Variants in UNC80 observed in about 807,000 individuals in gnomAD.
UNC80 encodes unc-80 subunit of NALCN channel complex, also known as protein unc-80 homolog.
Under a neutral mutation model 384.6 loss-of-function variants are expected in UNC80, and 164 were observed. The observed-to-expected ratio is 0.43, with a 90% CI of 0.38 to 0.49. The LOEUF is 0.49. Among genes scored for constraint, UNC80 ranks in the 20% least tolerant of loss-of-function variants. UNC80 has a pLI of 0.00. For synonymous variants in UNC80, 1,486 were observed against 1,527.8 expected, an observed-to-expected ratio of 0.97 and a Z score of 0.64; for missense variants, 3,330 against 4,143.0, an observed-to-expected ratio of 0.80 and a Z score of 5.39.
intron 31 of UNC80, among the ~76,000 whole-genome samples, chr2:209,915,220 T>C (rs1377555345): frequency 1.3e-5 from 2 of 151,792 alleles, no homozygotes; most frequent in Non-Finnish European, 1.5e-5. Flanking sequence ...CTGGCTAACA[T>C]GGTGAAACCC....
chr2:209,878,136 C>T (rs1270311544), intron 24 of UNC80, 47 bp downstream of exon 24: 2 of 1,472,824 alleles, frequency 1.4e-6, no homozygotes, highest in Non-Finnish European at 1.8e-6. Flanking sequence ...GTAAGAACCT[C>T]TGCTTTAGGA....
intron 56 of UNC80, among the ~76,000 whole-genome samples, chr2:209,974,849 G>A (rs2092970631): frequency 3.3e-5 from 5 of 152,240 alleles, no homozygotes; most frequent in Admixed American, 3.3e-4. Context: ...ATGGCAGAAA[G>A]CCAAAGTCAG....
rs2076607238 is a variant in UNC80, at chr2:209,772,127, C to A, written c.55C>A (p.Pro19Thr). 1 of 1,548,838 alleles carries A rather than the reference C, an allele frequency of 6.5e-7. No individual in the cohort carries two copies. The highest frequency in any genetic ancestry group is 8.7e-7 in the Non-Finnish European group (1 of 1,146,166). ...GGAGCAGGACGGCGGCCGCGGCATCCCCCTGCCCATCCAGACCTTCCTGTG... is the reference window on the plus strand; with the variant it reads ...GGAGCAGGACGGCGGCCGCGGCATCACCCTGCCCATCCAGACCTTCCTGTG... ...GQEQDGGRGI[P>T]LPIQTFLWRQ... The change falls in exon 1 of 65, where the codon CCC becomes ACC. Residue 19 changes from proline (P) to threonine (T), a missense_variant. By Grantham distance (38) the Pro-to-Thr change is conservative (BLOSUM62 -1). Transcript: ENST00000673920.
chr2:209,959,412 C>A, intron 50 of UNC80, 77 bp from the exon 51 acceptor site: 1 of 1,356,416 alleles, frequency 7.4e-7, no homozygotes, highest in Non-Finnish European at 1.0e-6. Flanking sequence ...TATTTTTCTT[C>A]AGTGTGATAC....
chr2:209,875,899 G>A (rs530735256), intron 23 of UNC80, among the ~76,000 whole-genome samples: 4 of 152,112 alleles, frequency 2.6e-5, no homozygotes, highest in East Asian at 1.9e-4. Context: ...GGCTTTTGGG[G>A]TACAAGCAGT....
chr2:209,787,533 G>A (rs1039499885), intron 5 of UNC80, among the ~76,000 whole-genome samples: 2 of 152,086 alleles, frequency 1.3e-5, no homozygotes, highest in African/African-American at 2.4e-5. Flanking sequence ...CCACATAACA[G>A]CATTTTGGTC....
Position 209,976,997 on chromosome 2 carries a change from C to T in UNC80, c.8857C>T (p.Arg2953Cys), listed in dbSNP as rs1282271120. The change falls in exon 58 of 65, where the codon CGC becomes TGC. Residue 2953 changes from arginine (R) to cysteine (C), a missense_variant. Around this residue, in one of 8 missense-constraint regions of UNC80, gnomAD observed 216 missense variants for 245.3 expected, o/e 0.88. Transcript: ENST00000673920. This position sits in a 1 kb window ranked among gnomAD's most constrained non-coding sequence, Gnocchi z 4.3. ...CCAGCTGGAGCGGCGCTTCATACCA[C>T]GCCCTTTGTGTAAGAGCTCGCTCAT... ...ADQLERRFIP[R>C]PLCKSSLIAE... 2.6e-6 allele frequency: 4 copies of T among 1,539,516 alleles called. No individual in the cohort carries two copies. Among genetic ancestry groups the T allele is most frequent in the Admixed American group, 2.0e-5 (1 of 50,874 alleles).
chr2:209,918,311 AAAG>A (rs2089728699), intron 32 of UNC80, among the ~76,000 whole-genome samples: 2 of 152,314 alleles, frequency 1.3e-5, no homozygotes, highest in African/African-American at 4.8e-5. Flanking sequence ...CATTTGATTG[AAAG>A]CCTTTAATGA....
chr2:209,841,723 A>G (rs991159295), intron 20 of UNC80, among the ~76,000 whole-genome samples: 10 of 152,220 alleles, frequency 6.6e-5, no homozygotes, highest in African/African-American at 1.9e-4. Flanking sequence ...GCAAGACTAT[A>G]GCATATTTAG....
intron 29 of UNC80, among the ~76,000 whole-genome samples, chr2:209,907,559 A>G (rs11694132): frequency 0.09 from 13,726 of 152,176 alleles, 809 homozygotes; most frequent in South Asian, 0.26. Flanking sequence ...AGATTTGCCA[A>G]CCAGCGAGAA....
chr2:209,902,223 A>G (rs1200268674), intron 28 of UNC80, among the ~76,000 whole-genome samples: 4 of 152,202 alleles, frequency 2.6e-5, no homozygotes, highest in African/African-American at 9.7e-5. Flanking sequence ...TTAGAAGTGG[A>G]GCCTGAAGAT....
intron 1 of UNC80, 73 bp downstream of exon 1, chr2:209,772,237 T>TGCCGCC: frequency 1.2e-6 from 1 of 854,962 alleles, no homozygotes. Context: ...GGGTCGCCGC[T>TGCCGCC]GCCGCCGCCG....
At chr2:209,863,329 T>C (rs889326189) in intron 22 of UNC80, among the ~76,000 whole-genome samples, 1 of 152,116 alleles carries the variant, frequency 6.6e-6, no homozygotes, top group African/African-American at 2.4e-5. Context: ...GATCTTCTCA[T>C]GGAATATCTT....
In UNC80 at chr2:209,815,204, C is replaced by G. The variant is rs199746179; in HGVS notation, c.1201-53C>G. 3 of 1,507,188 alleles carry G rather than the reference C, an allele frequency of 2.0e-6. No individual in the cohort carries two copies. The African/African-American group carries it at 4.2e-5, about 21-fold the overall frequency. 93.4% of individuals were successfully genotyped at this position (1,507,188 alleles called of 1,614,324 possible). A position where few individuals can be genotyped will look rare whatever the true frequency, so the allele number is the denominator to read the frequency against. ...TAAAAATGTGACATTTCAATAAGAA[C>G]AGTATTTGGATGTAAAGTCCTAAGT... On this transcript the variant is annotated intron_variant, in intron 8 of 64. Transcript: ENST00000673920.
chr2:209,908,255 C>T (rs951386933), intron 29 of UNC80, among the ~76,000 whole-genome samples: 1 of 152,116 alleles, frequency 6.6e-6, no homozygotes, highest in Non-Finnish European at 1.5e-5. Context: ...TATTTCATTC[C>T]TGTTTTCTTT....
rs2125038767 is a variant in UNC80, at chr2:209,998,768, G to A, written c.*3173G>A. On this transcript the variant is annotated 3_prime_UTR_variant, in exon 65 of 65. Transcript: ENST00000673920. ...ATAAAGGATACTTTAATAGAACACAGTCTCCAGAATTCGCTGCTATCACAC... is the reference window on the plus strand; with the variant it reads ...ATAAAGGATACTTTAATAGAACACAATCTCCAGAATTCGCTGCTATCACAC... The A allele has an allele frequency of 6.6e-6, 1 of 152,292 alleles. No homozygotes were observed. The highest frequency in any genetic ancestry group is 1.9e-4 in the East Asian group (1 of 5,188). 9.4% of individuals were successfully genotyped at this position (152,292 alleles called of 1,614,324 possible).
At chr2:209,812,350 G>A (rs1268101093) in intron 7 of UNC80, among the ~76,000 whole-genome samples, 3 of 151,762 alleles carry the variant, frequency 2.0e-5, no homozygotes, top group African/African-American at 7.3e-5. Context: ...GTGAGCCACC[G>A]CGCCTGGCAC....
chr2:209,878,770 T>C (rs1415975262), intron 24 of UNC80, among the ~76,000 whole-genome samples: 1 of 152,228 alleles, frequency 6.6e-6, no homozygotes, highest in African/African-American at 2.4e-5. Context: ...CTGCCTTTTA[T>C]GGAATACAAA....
At chr2:209,851,047 A>G (rs1309995940) in intron 22 of UNC80, among the ~76,000 whole-genome samples, 2 of 152,184 alleles carry the variant, frequency 1.3e-5, no homozygotes, top group Admixed American at 6.6e-5. Context: ...ACAATGGAAA[A>G]GTATATGAAC....
Sources: gnomAD v4.1 joint callset for allele counts (sites outside exome capture counted in the v4.1 genomes callset) on GRCh38, gnomAD v4.1.1 for gene constraint, gnomAD v4.1.1 regional missense constraint, Gnocchi (gnomAD v3.1) non-coding constraint, MANE v1.5 for transcripts, NCBI Gene and HGNC (gene_info 2026-07-23, HGNC 2026-07-21) for gene names.